Variants in ROBO1 observed in about 807,000 individuals in gnomAD.
ROBO1 encodes the protein roundabout guidance receptor 1.
In ROBO1, 149 loss-of-function variants were observed where a neutral mutation model predicts 195.9. The ratio of observed to expected loss-of-function variants is 0.76; its 90% CI spans 0.67 to 0.87. The LOEUF is 0.87. ROBO1 is among the 40% of genes least tolerant of loss of function. ROBO1 has a pLI of 0.00. For synonymous variants in ROBO1, 816 were observed against 733.2 expected (o/e 1.11, Z -1.82); for missense variants, 1,933 against 2,068.3 (o/e 0.93, Z 1.27).
intron 2 of ROBO1, among the ~76,000 whole-genome samples, chr3:79,389,551 A>T (rs2036874032): frequency 6.6e-6 from 1 of 152,184 alleles, no homozygotes; most frequent in Admixed American, 6.6e-5. Flanking sequence ...TGTAATAATA[A>T]GATTCAAAAA....
At chr3:78,636,773 A>G (rs1705526097) in intron 22 of ROBO1, among the ~76,000 whole-genome samples, 1 of 151,436 alleles carries the variant, frequency 6.6e-6, no homozygotes, top group African/African-American at 2.4e-5. Context: ...AATGACAATA[A>G]TAATAATAAC....
intron 8 of ROBO1, among the ~76,000 whole-genome samples, chr3:78,713,139 A>C (rs1258315301): frequency 6.6e-6 from 1 of 152,192 alleles, no homozygotes; most frequent in African/African-American, 2.4e-5. Context: ...TAGATTAAAG[A>C]GTAGTCTTGG....
intron 2 of ROBO1, among the ~76,000 whole-genome samples, chr3:79,518,065 G>A (rs779513996): frequency 1.3e-5 from 2 of 152,138 alleles, no homozygotes; most frequent in Non-Finnish European, 2.9e-5. Flanking sequence ...TGTCTGAGTG[G>A]CCTTCTAATT....
At chr3:79,680,644 G>A (rs953115844) in intron 1 of ROBO1, among the ~76,000 whole-genome samples, 1 of 151,962 alleles carries the variant, frequency 6.6e-6, no homozygotes, top group African/African-American at 2.4e-5. Flanking sequence ...TTCAGCTGGT[G>A]CAAAGATGAT....
At chr3:79,273,896 C>CA (rs1342696781) in intron 2 of ROBO1, among the ~76,000 whole-genome samples, 1 of 151,658 alleles carries the variant, frequency 6.6e-6, no homozygotes, top group African/African-American at 2.4e-5. Context: ...TACTATAGTT[C>CA]AAAAAACTGT....
At chr3:78,676,471 A>G (rs571206175) in intron 10 of ROBO1, among the ~76,000 whole-genome samples, 10 of 152,366 alleles carry the variant, frequency 6.6e-5, no homozygotes, top group African/African-American at 2.4e-4. Flanking sequence ...AATACAGAGA[A>G]GTGCCTAAAG....
At chr3:79,565,404 C>T (rs1943058660) in intron 2 of ROBO1, among the ~76,000 whole-genome samples, 1 of 151,674 alleles carries the variant, frequency 6.6e-6, no homozygotes, top group African/African-American at 2.4e-5. Flanking sequence ...TACTGTATTA[C>T]TATTTGAAAG....
chr3:78,665,768 G>A (rs143746856), intron 14 of ROBO1, among the ~76,000 whole-genome samples: 28 of 152,230 alleles, frequency 1.8e-4, no homozygotes, highest in East Asian at 1.5e-3. Context: ...AACTCAGAAG[G>A]GCTGACTAGC....
intron 3 of ROBO1, among the ~76,000 whole-genome samples, chr3:78,981,126 G>C (rs895143351): frequency 6.6e-6 from 1 of 152,104 alleles, no homozygotes; most frequent in Non-Finnish European, 1.5e-5. Context: ...ACTTTCCCAA[G>C]CTCACATGGC....
At chr3:79,582,442 G>T (rs570241945) in intron 2 of ROBO1, among the ~76,000 whole-genome samples, 1 of 151,470 alleles carries the variant, frequency 6.6e-6, no homozygotes, top group Non-Finnish European at 1.5e-5. Flanking sequence ...TGTGTAATTT[G>T]GTTTTTAATA....
intron 4 of ROBO1, among the ~76,000 whole-genome samples, chr3:78,796,678 T>A (rs913035176): frequency 1.3e-5 from 2 of 152,186 alleles, no homozygotes; most frequent in African/African-American, 2.4e-5. Context: ...GTCCTGACAA[T>A]CTTAATTTTA....
At chr3:79,211,362 T>A (rs944502736) in intron 2 of ROBO1, among the ~76,000 whole-genome samples, 38 of 152,234 alleles carry the variant, frequency 2.5e-4, no homozygotes, top group African/African-American at 8.9e-4. Flanking sequence ...TTTAATGAGA[T>A]AAATTTTAAT....
intron 4 of ROBO1, among the ~76,000 whole-genome samples, chr3:78,764,546 T>C: frequency 6.6e-6 from 1 of 152,198 alleles, no homozygotes. Flanking sequence ...GATGCTTCAC[T>C]GTGGAGCGGC....
intron 2 of ROBO1, among the ~76,000 whole-genome samples, chr3:79,160,568 T>C (rs977815142): frequency 6.6e-6 from 1 of 152,040 alleles, no homozygotes; most frequent in African/African-American, 2.4e-5. Flanking sequence ...CTGACTCTAA[T>C]TGTAGATGTA....
In ROBO1 at chr3:79,689,782, G is replaced by A. The variant is rs186735395; in HGVS notation, c.-51+77970C>T. ...ACTTTTATGGAGTTATAAAGTCTGG[G>A]TTCATGTTTTCCTGGTTGAAAACAC... On this transcript the variant is annotated intron_variant, in intron 1 of 30. Coordinates refer to ENST00000464233, the MANE Select transcript of ROBO1 (RefSeq NM_002941.4). 2.2e-3 allele frequency among the ~76,000 whole-genome samples: 342 copies of A among 152,028 alleles called. 3 individuals are homozygous for A. Among genetic ancestry groups the A allele is most frequent in the African/African-American group, 7.1e-3 (295 of 41,508 alleles).
intron 4 of ROBO1, among the ~76,000 whole-genome samples, chr3:78,868,235 A>G (rs1427044062): frequency 6.6e-6 from 1 of 152,138 alleles, no homozygotes; most frequent in Non-Finnish European, 1.5e-5. Context: ...TACTGAAAAG[A>G]TCAGAGCACA....
At chr3:79,661,081 A>G (rs1946314123) in intron 1 of ROBO1, among the ~76,000 whole-genome samples, 1 of 152,122 alleles carries the variant, frequency 6.6e-6, no homozygotes, top group Non-Finnish European at 1.5e-5. Context: ...TTTGATGGAC[A>G]TTATGTTGTG....
chr3:79,461,839 A>G (rs191847924), intron 2 of ROBO1, among the ~76,000 whole-genome samples: 23 of 152,284 alleles, frequency 1.5e-4, no homozygotes, highest in Admixed American at 6.5e-4. Flanking sequence ...AAATGGCAAA[A>G]TAGGAAATGT....
chr3:79,228,134 T>C (rs2082259409), intron 2 of ROBO1, among the ~76,000 whole-genome samples: 1 of 152,008 alleles, frequency 6.6e-6, no homozygotes, highest in Non-Finnish European at 1.5e-5. Context: ...TTAGTACCAC[T>C]GTACTCTTAA....
Sources: gnomAD v4.1 joint callset for allele counts (sites outside exome capture counted in the v4.1 genomes callset) on GRCh38, gnomAD v4.1.1 for gene constraint, MANE v1.5 for transcripts, NCBI Gene and HGNC (gene_info 2026-07-23, HGNC 2026-07-21) for gene names.